The following MECOM variants were observed in gnomAD, a reference collection of about 807,000 sequenced individuals.
The protein encoded by MECOM is histone-lysine N-methyltransferase MECOM.
MECOM carries 13 observed loss-of-function variants against 116.3 expected under a neutral mutation model. The observed-to-expected ratio is 0.11, with a 90% CI of 0.07 to 0.18. The LOEUF (loss-of-function observed/expected upper bound fraction) is 0.18. Ranked by LOEUF, MECOM falls within the 10% of genes least tolerant of loss-of-function variation. The probability of loss-of-function intolerance (pLI) is 1.00; values close to 1 mark genes in which losing one functional copy is unlikely to be tolerated. For synonymous variants in MECOM, 528 were observed against 535.2 expected (o/e 0.99, Z 0.19); for missense variants, 1,299 against 1,509.0 (o/e 0.86, Z 2.31).
chr3:169,100,807 A>T, intron 12 of MECOM, 78 bp downstream of exon 12: 1 of 818,866 alleles, frequency 1.2e-6, no homozygotes, highest in Non-Finnish European at 1.6e-6. Flanking sequence ...TATAAACTTT[A>T]ATTATTATTT....
chr3:169,229,632 C>T (rs1343015348), intron 2 of MECOM, among the ~76,000 whole-genome samples: 1 of 152,030 alleles, frequency 6.6e-6, no homozygotes, highest in Non-Finnish European at 1.5e-5. Flanking sequence ...CTGGTCCCCT[C>T]CTGCAGGTCA....
intron 1 of MECOM, among the ~76,000 whole-genome samples, chr3:169,404,790 A>G (rs933994062): frequency 4.6e-5 from 7 of 152,180 alleles, no homozygotes; most frequent in Non-Finnish European, 1.0e-4. Flanking sequence ...TCGCAGCACC[A>G]CCAAAACCGT....
chr3:169,578,634 G>T (rs1576969285), intron 1 of MECOM, among the ~76,000 whole-genome samples: 1 of 152,120 alleles, frequency 6.6e-6, no homozygotes, highest in East Asian at 1.9e-4. Flanking sequence ...AGTAGCCTAA[G>T]TTAAACCAAA....
chr3:169,378,483 G>GCA lies in MECOM; in HGVS notation c.375+2703_375+2704insTG, dbSNP rs1560197345. On this transcript the variant is annotated intron_variant, in intron 2 of 16. Transcript: ENST00000651503. ...CAAGCAAGCAAGCAAGCAAGAAAGA[G>GCA]AGAGAGAAAGAAAGAAAGAAAGAAA... Among the ~76,000 whole-genome samples, 25 of 30,066 alleles carry GCA rather than the reference G, an allele frequency of 8.3e-4. 2 individuals are homozygous for GCA. Among genetic ancestry groups the GCA allele is most frequent in the South Asian group, 3.3e-3 (4 of 1,216 alleles). 19.7% of individuals were successfully genotyped at this position (30,066 alleles called of 152,430 possible). A position where few individuals can be genotyped will look rare whatever the true frequency, so the allele number is the denominator to read the frequency against.
intron 1 of MECOM, among the ~76,000 whole-genome samples, chr3:169,410,798 A>G (rs1003688193): frequency 1.3e-5 from 2 of 152,028 alleles, no homozygotes; most frequent in Non-Finnish European, 2.9e-5. Context: ...AAATGTTTTC[A>G]ATGAACTCAA....
At chr3:169,454,502 T>C (rs768693736) in intron 1 of MECOM, among the ~76,000 whole-genome samples, 1 of 152,008 alleles carries the variant, frequency 6.6e-6, no homozygotes, top group Non-Finnish European at 1.5e-5. Flanking sequence ...GAAGAAAATG[T>C]GAGGTTTGCT....
intron 2 of MECOM, among the ~76,000 whole-genome samples, chr3:169,237,420 A>T (rs1024593913): frequency 1.3e-5 from 2 of 152,102 alleles, no homozygotes; most frequent in African/African-American, 4.8e-5. Flanking sequence ...ATTCAATATA[A>T]AATTGTTATT....
At chr3:169,329,861 G>C (rs1014507545) in intron 2 of MECOM, among the ~76,000 whole-genome samples, 1 of 152,114 alleles carries the variant, frequency 6.6e-6, no homozygotes, top group Non-Finnish European at 1.5e-5. Flanking sequence ...AAAGTGTGTC[G>C]ACCTATAAGA....
intron 2 of MECOM, chr3:169,146,456 C>G (rs755748235): frequency 1.4e-6 from 2 of 1,386,702 alleles, no homozygotes; most frequent in Non-Finnish European, 1.9e-6. Context: ...AAGAGGCCGA[C>G]AAGCCGGCAG....
chr3:169,560,081 A>G (rs1762472405), intron 1 of MECOM, among the ~76,000 whole-genome samples: 1 of 152,212 alleles, frequency 6.6e-6, no homozygotes, highest in African/African-American at 2.4e-5. Flanking sequence ...CCCAATGCTC[A>G]GGGCAGCATT....
rs374037546 is a variant in MECOM, at chr3:169,107,891, A to G, written c.2604+35T>C. On this transcript the variant is annotated intron_variant, in intron 10 of 16. Coordinates refer to ENST00000651503, the MANE Select transcript of MECOM (RefSeq NM_004991.4). ...TAAGCTGTTTTCTTTTTAATGCTAC[A>G]TCACTTTAGTCAAAAATATAAGTAG... 9.4e-6 allele frequency: 15 copies of G among 1,590,246 alleles called. No homozygotes were observed. The African/African-American group carries it at 2.0e-4, about 21-fold the overall frequency.
intron 2 of MECOM, among the ~76,000 whole-genome samples, chr3:169,197,119 C>T (rs1005593804): frequency 6.6e-6 from 1 of 151,776 alleles, no homozygotes; most frequent in African/African-American, 2.4e-5. Context: ...ACATCAAGAA[C>T]TCATTGACAC....
At chr3:169,392,409 A>G (rs1321423488) in intron 1 of MECOM, among the ~76,000 whole-genome samples, 1 of 152,192 alleles carries the variant, frequency 6.6e-6, no homozygotes, top group Non-Finnish European at 1.5e-5. Context: ...CTTTTCTAGC[A>G]TTAAAAGAGG....
intron 1 of MECOM, among the ~76,000 whole-genome samples, chr3:169,660,629 G>C (rs1776159240): frequency 6.6e-6 from 1 of 151,798 alleles, no homozygotes; most frequent in African/African-American, 2.4e-5. Context: ...CCACAATAAA[G>C]GTAGTTTTGT....
At chr3:169,601,691 G>A (rs1039532259) in intron 1 of MECOM, among the ~76,000 whole-genome samples, 1 of 152,120 alleles carries the variant, frequency 6.6e-6, no homozygotes, top group East Asian at 1.9e-4. Flanking sequence ...GCAGGCTCAC[G>A]TCACACTTAG....
chr3:169,647,798 G>A (rs1160300558), intron 1 of MECOM, among the ~76,000 whole-genome samples: 2 of 152,148 alleles, frequency 1.3e-5, no homozygotes, highest in Non-Finnish European at 2.9e-5. Context: ...AAGCCAAACA[G>A]AGGTAGTTAT....
At chr3:169,342,981 G>A (rs1724793233) in intron 2 of MECOM, among the ~76,000 whole-genome samples, 1 of 152,088 alleles carries the variant, frequency 6.6e-6, no homozygotes. Flanking sequence ...CAAAGATTGT[G>A]TCCTAAAGAA....
intron 2 of MECOM, among the ~76,000 whole-genome samples, chr3:169,352,702 T>G (rs1170995382): frequency 2.0e-5 from 3 of 151,848 alleles, no homozygotes; most frequent in Admixed American, 1.3e-4. Context: ...TAATAAACAG[T>G]AAAGACAAAC....
intron 1 of MECOM, among the ~76,000 whole-genome samples, chr3:169,462,733 T>C (rs1747664042): frequency 6.6e-6 from 1 of 152,200 alleles, no homozygotes; most frequent in East Asian, 1.9e-4. Flanking sequence ...GTAACTCTGT[T>C]GCCATTAATG....
Sources: gnomAD v4.1 joint callset for allele counts (sites outside exome capture counted in the v4.1 genomes callset) on GRCh38, gnomAD v4.1.1 for gene constraint, MANE v1.5 for transcripts, NCBI Gene and HGNC (gene_info 2026-07-23, HGNC 2026-07-21) for gene names.